PLA2G4D: variants seen among roughly 807,000 people sequenced by gnomAD.
PLA2G4D encodes the protein phospholipase A2 group IVD, also known as cytosolic phospholipase A2 delta.
In PLA2G4D, 80 loss-of-function variants were observed where a neutral mutation model predicts 94.4. The observed-to-expected ratio is 0.85, with a 90% CI of 0.71 to 1.02. The LOEUF (loss-of-function observed/expected upper bound fraction) is 1.02, where lower values mean the gene tolerates loss of function less well. Among genes scored for constraint, PLA2G4D ranks in the 50% least tolerant of loss-of-function variants. The pLI is 0.00. For synonymous variants in PLA2G4D, 438 were observed against 440.9 expected (o/e 0.99, Z 0.08); for missense variants, 1,050 against 1,034.7 (o/e 1.01, Z -0.20).
chr15:42,085,081 G>C lies in PLA2G4D; in HGVS notation c.471+15C>G. On this transcript the variant is annotated intron_variant, in intron 6 of 19. Coordinates refer to ENST00000290472, the MANE Select transcript of PLA2G4D (RefSeq NM_178034.4). Reference sequence around the variant, plus strand: ...GCTCTGGGGCCCCTCCCCTAAGCCTGGGGAAGGTGCTTACCACAATGACTT... The same window carrying C: ...GCTCTGGGGCCCCTCCCCTAAGCCTCGGGAAGGTGCTTACCACAATGACTT... 1.2e-6 allele frequency: 2 copies of C among 1,614,072 alleles called. No individual in the cohort carries two copies. The highest frequency in any genetic ancestry group is 1.7e-6 in the Non-Finnish European group (2 of 1,179,942).
intron 13 of PLA2G4D, among the ~76,000 whole-genome samples, chr15:42,075,872 G>A (rs1258090976): frequency 7.5e-6 from 1 of 132,884 alleles, no homozygotes; most frequent in African/African-American, 2.7e-5. Context: ...GGGTGACAGA[G>A]CAAGACTCTG....
At chr15:42,071,003 G>C in intron 17 of PLA2G4D, 120 bp from the exon 18 acceptor site, 1 of 1,522,522 alleles carries the variant, frequency 6.6e-7, no homozygotes, top group Non-Finnish European at 8.9e-7. Context: ...CCTTCCAAGG[G>C]GATCGTCTCC....
chr15:42,090,419 T>A (rs539664488), intron 1 of PLA2G4D, among the ~76,000 whole-genome samples: 26 of 152,294 alleles, frequency 1.7e-4, no homozygotes, highest in African/African-American at 6.0e-4. Flanking sequence ...AGAGCAGAGC[T>A]CGTATTTACA....
At chr15:42,078,927 AT>A (rs920887397) in intron 13 of PLA2G4D, among the ~76,000 whole-genome samples, 3 of 152,242 alleles carry the variant, frequency 2.0e-5, no homozygotes, top group African/African-American at 7.2e-5. Context: ...CAGCATTGTA[AT>A]TTTTTTAAAA....
rs147208206 is a variant in PLA2G4D at position 42,070,785 on chromosome 15, T to A, written c.1975A>T (p.Met659Leu). ...AYFINTSSPS[M>L]FRPGRRLDLI... ...TCCAGCCTGCGGCCTGGCCGGAACA[T>A]GGAGGGAGAGCTGGTGTTGATGAAG... The change falls in exon 18 of 20, where the codon ATG (methionine) becomes TTG (leucine). Residue 659 changes from methionine to leucine, a missense_variant. By Grantham distance (15) the Met-to-Leu change is conservative. Transcript: ENST00000290472. The A allele has an allele frequency of 8.7e-6, 14 of 1,602,714 alleles. No homozygotes were observed. Among genetic ancestry groups the A allele is most frequent in the Non-Finnish European group, 1.1e-5 (13 of 1,174,534 alleles).
chr15:42,070,599 C>T (rs1006725021), intron 18 of PLA2G4D, 118 bp downstream of exon 18: 56 of 1,269,100 alleles, frequency 4.4e-5, no homozygotes, highest in Admixed American at 1.6e-4. Context: ...CAAGGCCTGA[C>T]ACCTCTCCTT....
chr15:42,074,556 G>T (rs1618007), intron 13 of PLA2G4D, among the ~76,000 whole-genome samples: 2 of 152,066 alleles, frequency 1.3e-5, no homozygotes, highest in Non-Finnish European at 2.9e-5. Flanking sequence ...TGTATTTTAC[G>T]AGCGGGTTTT....
intron 19 of PLA2G4D, among the ~76,000 whole-genome samples, chr15:42,069,642 A>G (rs571797897): frequency 1.3e-5 from 2 of 151,946 alleles, no homozygotes; most frequent in Non-Finnish European, 2.9e-5. Context: ...AGCTGGGGGT[A>G]CTAGGGCAAG....
Position 42,084,040 on chromosome 15 carries a change from C to G in PLA2G4D, c.472-261G>C. ...CCTGGCTTTGCCAAACTCCCGAAAC[C>G]TCCTAGAGCGCCCAGCCCTCAGACA... On this transcript the variant is annotated intron_variant, in intron 6 of 19. Transcript: ENST00000290472. This position sits in a 1 kb window ranked among gnomAD's most constrained non-coding sequence, Gnocchi z 4.8. 4.0e-6 allele frequency: 2 copies of G among 496,056 alleles called. No homozygotes were observed. The highest frequency in any genetic ancestry group is 7.3e-6 in the Non-Finnish European group (2 of 274,186). The allele number at this position is 496,056 out of a possible 1,614,324, so 30.7% of individuals were successfully genotyped here.
At chr15:42,075,312 C>G (rs544487994) in intron 13 of PLA2G4D, among the ~76,000 whole-genome samples, 1 of 152,298 alleles carries the variant, frequency 6.6e-6, no homozygotes, top group South Asian at 2.1e-4. Context: ...AGCCTAGGAT[C>G]AAACTGCGTT....
At chr15:42,076,600 T>C (rs114435088) in intron 13 of PLA2G4D, among the ~76,000 whole-genome samples, 1,995 of 152,242 alleles carry the variant, frequency 0.013, 64 homozygotes, top group African/African-American at 0.045. Context: ...GAAGCCCAAA[T>C]GATAAATATA....
At chr15:42,071,089 T>C (rs1595589812) in intron 17 of PLA2G4D, 34 bp downstream of exon 17, 1 of 1,592,742 alleles carries the variant, frequency 6.3e-7, no homozygotes, top group South Asian at 1.1e-5. Context: ...AGGCCCAACC[T>C]TGTGACCTAG....
At chr15:42,081,359 A>G in intron 11 of PLA2G4D, 120 bp downstream of exon 11, 1 of 1,486,594 alleles carries the variant, frequency 6.7e-7, no homozygotes, top group African/African-American at 1.4e-5. Context: ...TCACGCTCCC[A>G]TGTCTCCACA....
intron 8 of PLA2G4D, among the ~76,000 whole-genome samples, 178 bp downstream of exon 8, chr15:42,083,020 G>A (rs1239172712): frequency 1.3e-5 from 2 of 152,228 alleles, no homozygotes; most frequent in Admixed American, 1.3e-4. Flanking sequence ...GCAGCCCCAT[G>A]CCCGCTCTGG....
In PLA2G4D at chr15:42,081,262, G is replaced by T. The variant is rs1187957104; in HGVS notation, c.958-129C>A. 4.1e-6 allele frequency: 6 copies of T among 1,463,428 alleles called. No individual in the cohort carries two copies. In the Admixed American group the frequency reaches 1.1e-4, roughly 27 times the overall value. 90.7% of individuals were successfully genotyped at this position (1,463,428 alleles called of 1,614,324 possible). A position where few individuals can be genotyped will look rare whatever the true frequency, so the allele number is the denominator to read the frequency against. ...ATAGTTGGGTCCTGATAGAGTCAGG[G>T]TTAGAGCTGGGTCCAGCCCTCCTCT... On this transcript the variant is annotated intron_variant, in intron 11 of 19. Coordinates refer to ENST00000290472, the MANE Select transcript of PLA2G4D (RefSeq NM_178034.4).
chr15:42,070,711 G>A lies in PLA2G4D; in HGVS notation c.2043+6C>T. The A allele has an allele frequency of 6.4e-7, 1 of 1,552,628 alleles. No individual in the cohort carries two copies. The highest frequency in any genetic ancestry group is 1.2e-5 in the South Asian group (1 of 84,104). ...CAGAGGGGTTCCCCTGGGGTGACCA[G>A]GGTACCTCGAAGGGCGCAGATAGGG... On this transcript the variant is annotated splice_donor_region_variant and intron_variant, in intron 18 of 19. Transcript: ENST00000290472.
chr15:42,079,734 G>T lies in PLA2G4D; in HGVS notation c.1120C>A (p.Pro374Thr). The change falls in exon 13 of 20, where the codon CCT (proline) becomes ACT (threonine). Residue 374 changes from proline (P) to threonine (T), a missense_variant. By Grantham distance (38) the Pro-to-Thr change is conservative. Transcript: ENST00000290472. The stretch of plus-strand genomic sequence containing the variant: ...TCCAGGTCCCTCTGCGACCACTCAG[G>T]GTCCCCGTACAGGTGGGCCATTGTC... ...TWTMAHLYGD[P>T]EWSQRDLEGP... 6.2e-7 allele frequency: 1 copy of T among 1,606,324 alleles called. No homozygotes were observed. Among genetic ancestry groups the T allele is most frequent in the Non-Finnish European group, 8.5e-7 (1 of 1,177,236 alleles).
rs1006924305 is a variant in PLA2G4D, at chr15:42,067,637, A to G, written c.*1078T>C. 2 of 152,224 alleles carry G rather than the reference A, an allele frequency of 1.3e-5. No homozygotes were observed. Among genetic ancestry groups the G allele is most frequent in the Non-Finnish European group, 2.9e-5 (2 of 68,048 alleles). The allele number at this position is 152,224 out of a possible 1,614,324, so 9.4% of individuals were successfully genotyped here. ...ATAATCAAATGGAAACTGCCCCAGG[A>G]ATGCAAAGTTGGTTTAATATCCAAA... On this transcript the variant is annotated 3_prime_UTR_variant, in exon 20 of 20. Transcript: ENST00000290472.
chr15:42,080,919 A>G (rs1595594679), intron 12 of PLA2G4D, 78 bp downstream of exon 12: 1 of 1,521,766 alleles, frequency 6.6e-7, no homozygotes, highest in East Asian at 2.4e-5. Flanking sequence ...CTCCCCACAC[A>G]AAGTGTCCCT....
Sources: allele counts gnomAD v4.1 joint callset (sites outside exome capture counted in the v4.1 genomes callset), GRCh38; gene constraint gnomAD v4.1.1; non-coding constraint Gnocchi (gnomAD v3.1); transcripts MANE v1.5; gene names NCBI Gene and HGNC (gene_info 2026-07-23, HGNC 2026-07-21).